PLAGL1: variants seen among roughly 807,000 people sequenced by gnomAD.
PLAGL1 encodes PLAG1 like zinc finger 1.
A neutral mutation model predicts 4.6 loss-of-function variants in PLAGL1; 1 was observed. That is an observed-to-expected ratio of 0.22 (90% CI 0.08 to 1.03). The LOEUF is 1.03. PLAGL1 is among the 50% of genes least tolerant of loss of function. The probability of loss-of-function intolerance (pLI) is 0.58; values close to 1 mark genes in which losing one functional copy is unlikely to be tolerated. For synonymous variants in PLAGL1, 240 were observed against 237.8 expected (o/e 1.01, Z -0.08); for missense variants, 464 against 570.4 (o/e 0.81, Z 1.90).
At chr6:144,037,415 CAAAAAAAAAAAA>C (rs34570725) in intron 1 of PLAGL1, 3 of 88,118 alleles carry the variant, frequency 3.4e-5, no homozygotes, top group Non-Finnish European at 6.5e-5. Flanking sequence ...CCATCTCTAC[CAAAAAAAAAAAA>C]AAAAAAAAAA....
intron 1 of PLAGL1, among the ~76,000 whole-genome samples, chr6:143,987,000 G>T (rs1342828321): frequency 6.6e-6 from 1 of 152,152 alleles, no homozygotes; most frequent in Non-Finnish European, 1.5e-5. Context: ...TCCACAGGAA[G>T]ATACATGCTA....
intron 7 of PLAGL1, among the ~76,000 whole-genome samples, chr6:143,943,184 AT>A (rs1180784300): frequency 2.0e-5 from 3 of 151,644 alleles, no homozygotes; most frequent in African/African-American, 7.3e-5. Flanking sequence ...TAAAGAGAAC[AT>A]GTTTTTTTAA....
rs935243452 is a variant in PLAGL1 at position 144,059,422 on chromosome 6, T to G, written c.-151+5046A>C. ...AGGTTCCTCCACCAACTGGGCAGGA[T>G]TCAGGGGCCTTTGTGTCTGTTAACA... On this transcript the variant is annotated intron_variant, in intron 1 of 3. Transcript: ENST00000437412. The surrounding 1 kb of genome is among the most constrained non-coding windows in gnomAD (Gnocchi z 4.9). Among the ~76,000 whole-genome samples the G allele has an allele frequency of 2.6e-5, 4 of 152,216 alleles. No homozygotes were observed. The highest frequency in any genetic ancestry group is 5.9e-5 in the Non-Finnish European group (4 of 68,034).
At position 143,984,658 on chromosome 6, in the gene PLAGL1, CCTG is replaced by C. The variant is rs202169820; in HGVS notation, c.-544+474_-544+476del. Among the ~76,000 whole-genome samples the C allele has an allele frequency of 1.9e-3, 295 of 152,152 alleles. 4 individuals carry two copies. The highest frequency in any genetic ancestry group is 0.014 in the East Asian group (74 of 5,180). ...TTACTTTGTAACAATATTCTCCTCTCCTGCTAAGATGATGAAAAACAAAACCAT... is the reference window on the plus strand; with the variant it reads ...TTACTTTGTAACAATATTCTCCTCTCCTAAGATGATGAAAAACAAAACCAT... On this transcript the variant is annotated intron_variant, in intron 2 of 7. Transcript: ENST00000674357. This position sits in a 1 kb window ranked among gnomAD's most constrained non-coding sequence, Gnocchi z 5.5.
rs560412283 is a variant in PLAGL1 at position 144,050,512 on chromosome 6, A to G, written c.-151+13956T>C. 6.6e-6 allele frequency among the ~76,000 whole-genome samples: 1 copy of G among 152,236 alleles called. No homozygotes were observed. Among genetic ancestry groups the G allele is most frequent in the African/African-American group, 2.4e-5 (1 of 41,536 alleles). ...TTAAGGCTGTCTCTTCTCTATGTTT[A>G]TGTCTCTATTATTACATTATAGGCT... is the stretch of plus-strand genomic sequence containing the variant. On this transcript the variant is annotated intron_variant, in intron 1 of 3. Coordinates refer to the PLAGL1 transcript ENST00000437412. This position sits in a 1 kb window ranked among gnomAD's most constrained non-coding sequence, Gnocchi z 4.3.
In PLAGL1 at chr6:144,063,162, A is replaced by G; in HGVS notation, c.-151+1306T>C. On this transcript the variant is annotated intron_variant, in intron 1 of 3. Transcript: ENST00000437412. This position sits in a 1 kb window ranked among gnomAD's most constrained non-coding sequence, Gnocchi z 5.7. ...AGCCCAAAGATCACTTGCAGAACCA[A>G]AGAATGAATTTATTTGTTGCAACCT... Among the ~76,000 whole-genome samples, 1 of 152,188 alleles carries G rather than the reference A, an allele frequency of 6.6e-6. No homozygotes were observed. The highest frequency in any genetic ancestry group is 1.5e-5 in the Non-Finnish European group (1 of 68,050).
intron 1 of PLAGL1, among the ~76,000 whole-genome samples, chr6:144,046,678 C>G (rs1247805867): frequency 6.6e-6 from 1 of 152,226 alleles, no homozygotes; most frequent in Non-Finnish European, 1.5e-5. Context: ...TGTGTCTGTT[C>G]TCAAAGCTCA....
At position 143,982,118 on chromosome 6, in the gene PLAGL1, T is replaced by A; in HGVS notation, c.-544+3017A>T. On this transcript the variant is annotated intron_variant, in intron 2 of 7. Coordinates refer to ENST00000674357, the MANE Select transcript of PLAGL1 (RefSeq NM_001317162.2). This position sits in a 1 kb window ranked among gnomAD's most constrained non-coding sequence, Gnocchi z 5.3. ...AATTGTTTCTAGTAGCTTAACTGTA[T>A]CCCATAACAAAGCTCAAGTAAAATA... 6.6e-6 allele frequency among the ~76,000 whole-genome samples: 1 copy of A among 151,998 alleles called. No individual in the cohort carries two copies.
chr6:143,989,059 G>C lies in PLAGL1; in HGVS notation c.-583-3885C>G, dbSNP rs1305489526. ...AACAGAGGGAGAAAAATTCAGAGTAGACCACTCAAAACCTATGCACTTTTG... is the reference window on the plus strand; with the variant it reads ...AACAGAGGGAGAAAAATTCAGAGTACACCACTCAAAACCTATGCACTTTTG... On this transcript the variant is annotated intron_variant, in intron 1 of 7. Transcript: ENST00000674357. The surrounding 1 kb of genome is among the most constrained non-coding windows in gnomAD (Gnocchi z 4.8). Among the ~76,000 whole-genome samples the C allele has an allele frequency of 1.3e-5, 2 of 152,138 alleles. No homozygotes were observed. Among genetic ancestry groups the C allele is most frequent in the Non-Finnish European group, 2.9e-5 (2 of 68,018 alleles).
chr6:144,038,874 G>A (rs1038275748), intron 1 of PLAGL1, among the ~76,000 whole-genome samples: 2 of 152,178 alleles, frequency 1.3e-5, no homozygotes, highest in Non-Finnish European at 2.9e-5. Context: ...TCATAAACTT[G>A]ATTATAGTGG....
chr6:143,954,807 A>G lies in PLAGL1; in HGVS notation c.-325+5662T>C, dbSNP rs540174246. 6.6e-6 allele frequency among the ~76,000 whole-genome samples: 1 copy of G among 152,356 alleles called. No individual in the cohort carries two copies. The highest frequency in any genetic ancestry group is 6.5e-5 in the Admixed American group (1 of 15,306). ...ATTATTTATTTGCAGAGGAATGTCG[A>G]TATAGAAAATCCCAAAGAATCCACA... On this transcript the variant is annotated intron_variant, in intron 6 of 7. Coordinates refer to ENST00000674357, the MANE Select transcript of PLAGL1 (RefSeq NM_001317162.2). The surrounding 1 kb of genome is among the most constrained non-coding windows in gnomAD (Gnocchi z 5.1).
chr6:144,019,274 T>C (rs374805761), intron 1 of PLAGL1, among the ~76,000 whole-genome samples: 3 of 152,116 alleles, frequency 2.0e-5, no homozygotes, highest in Admixed American at 6.5e-5. Flanking sequence ...GAGTTCAAGA[T>C]CAGCCTGGCC....
chr6:144,000,701 G>C lies in PLAGL1; in HGVS notation c.-584+7389C>G, dbSNP rs1792664371. On this transcript the variant is annotated intron_variant, in intron 1 of 7. Transcript: ENST00000674357. The surrounding 1 kb of genome is among the most constrained non-coding windows in gnomAD (Gnocchi z 4.1). ...AGGTCTAAAATTGCCAAACAATTCA[G>C]CAGAAAAACAAAAGAAGGCTTCTGC... 6.6e-6 allele frequency among the ~76,000 whole-genome samples: 1 copy of C among 152,086 alleles called. No homozygotes were observed. Among genetic ancestry groups the C allele is most frequent in the African/African-American group, 2.4e-5 (1 of 41,432 alleles).
At chr6:144,049,383 A>G (rs568301244) in intron 1 of PLAGL1, among the ~76,000 whole-genome samples, 1 of 152,230 alleles carries the variant, frequency 6.6e-6, no homozygotes, top group Admixed American at 6.5e-5. Flanking sequence ...CTTGGTATCA[A>G]TTAACTGTGT....
rs1031633306 is a variant in PLAGL1, at chr6:143,945,245, G to A, written c.153-2582C>T. On this transcript the variant is annotated intron_variant, in intron 7 of 7. Coordinates refer to ENST00000674357, the MANE Select transcript of PLAGL1 (RefSeq NM_001317162.2). This position sits in a 1 kb window ranked among gnomAD's most constrained non-coding sequence, Gnocchi z 4.2. ...CTTATAACCCATGAAAACAGCTTTA[G>A]TATGTCCTAGAGTCAGTACCCAATG... 6.6e-6 allele frequency among the ~76,000 whole-genome samples: 1 copy of A among 152,036 alleles called. No individual in the cohort carries two copies. The highest frequency in any genetic ancestry group is 1.5e-5 in the Non-Finnish European group (1 of 68,012).
At chr6:144,010,212 T>C (rs1795066788), upstream of PLAGL1, among the ~76,000 whole-genome samples, 1 of 152,190 alleles carries the variant, frequency 6.6e-6, no homozygotes, top group South Asian at 2.1e-4. This position sits in a 1 kb window ranked among gnomAD's most constrained non-coding sequence, Gnocchi z 4.1. Flanking sequence ...ATTATCATTC[T>C]AACTGGCATG....
intron 1 of PLAGL1, among the ~76,000 whole-genome samples, chr6:144,047,611 C>A (rs1798260143): frequency 6.6e-6 from 1 of 152,092 alleles, no homozygotes; most frequent in South Asian, 2.1e-4. Flanking sequence ...CATCAGATAT[C>A]ATGGGAACTC....
chr6:144,035,184 ACT>A (rs1481457421), intron 1 of PLAGL1, among the ~76,000 whole-genome samples: 3 of 152,140 alleles, frequency 2.0e-5, no homozygotes, highest in Non-Finnish European at 4.4e-5. Flanking sequence ...AGGAGAATTG[ACT>A]CACACAATCA....
upstream of PLAGL1, among the ~76,000 whole-genome samples, chr6:144,011,582 T>C (rs146193361): frequency 1.9e-3 from 296 of 152,324 alleles, 4 homozygotes; most frequent in East Asian, 0.015. This position sits in a 1 kb window ranked among gnomAD's most constrained non-coding sequence, Gnocchi z 4.3. Flanking sequence ...TTATAGATTA[T>C]GTTCTTTTCT....
Sources: gnomAD v4.1 joint callset for allele counts (sites outside exome capture counted in the v4.1 genomes callset) on GRCh38, gnomAD v4.1.1 for gene constraint, Gnocchi (gnomAD v3.1) non-coding constraint, MANE v1.5 for transcripts, NCBI Gene and HGNC (gene_info 2026-07-23, HGNC 2026-07-21) for gene names.